The following NF2 variants were observed in gnomAD, a reference collection of about 807,000 sequenced individuals.
NF2 encodes NF2, moesin-ezrin-radixin like (MERLIN) tumor suppressor.
NF2 carries 8 observed loss-of-function variants against 83.7 expected under a neutral mutation model. The ratio of observed to expected loss-of-function variants is 0.10; its 90% CI spans 0.06 to 0.17. The LOEUF (loss-of-function observed/expected upper bound fraction) is 0.17. Ranked by LOEUF, NF2 falls within the 10% of genes least tolerant of loss-of-function variation. NF2 has a pLI of 1.00. For synonymous variants in NF2, 266 were observed against 269.6 expected, an observed-to-expected ratio of 0.99 and a Z score of 0.13; for missense variants, 533 against 744.4, an observed-to-expected ratio of 0.72 and a Z score of 3.31.
Position 29,678,220 on chromosome 22 carries a change from T to C in NF2, c.1471T>C (p.Leu491=), listed in dbSNP as rs1377424205. ...YPPMNPIPAP[L]PPDIPSFNLI... ...GCCCATGAACCCAATTCCAGCACCG[T>C]TGCCTCCTGACATACCAAGCTTCAA... is the stretch of plus-strand genomic sequence containing the variant. The change falls in exon 14 of 16, where the codon TTG becomes CTG. Residue 491 remains leucine (L), a synonymous_variant. Coordinates refer to ENST00000338641, the MANE Select transcript of NF2 (RefSeq NM_000268.4). 1.9e-6 allele frequency: 3 copies of C among 1,613,996 alleles called. No homozygotes were observed. Among genetic ancestry groups the C allele is most frequent in the East Asian group, 2.2e-5 (1 of 44,892 alleles).
intron 1 of NF2, among the ~76,000 whole-genome samples, chr22:29,617,746 A>G (rs1246187430): frequency 6.6e-6 from 1 of 152,228 alleles, no homozygotes; most frequent in Non-Finnish European, 1.5e-5. Flanking sequence ...CTGGGATGGA[A>G]GTGAGAATTT....
intron 7 of NF2, among the ~76,000 whole-genome samples, 185 bp downstream of exon 7, chr22:29,658,449 T>G (rs995286001): frequency 2.6e-5 from 4 of 152,190 alleles, no homozygotes; most frequent in African/African-American, 9.7e-5. Flanking sequence ...TTCAATTAGA[T>G]CATAGGTAAT....
At chr22:29,630,944 C>T (rs1163628568) in intron 1 of NF2, among the ~76,000 whole-genome samples, 1 of 152,090 alleles carries the variant, frequency 6.6e-6, no homozygotes, top group East Asian at 1.9e-4. Flanking sequence ...ATCAGTTATC[C>T]AAAAAGAACA....
At chr22:29,665,433 G>A (rs936254864) in intron 9 of NF2, among the ~76,000 whole-genome samples, 3 of 151,916 alleles carry the variant, frequency 2.0e-5, no homozygotes, top group African/African-American at 7.3e-5. Flanking sequence ...CAGTAGAGAC[G>A]GGGTTTCACC....
chr22:29,628,847 T>C (rs1017588260), intron 1 of NF2, among the ~76,000 whole-genome samples: 69 of 152,190 alleles, frequency 4.5e-4, no homozygotes, highest in African/African-American at 1.5e-3. Context: ...GCCAGGCTGG[T>C]CTCGAACTCC....
At chr22:29,675,260 T>G (rs530771824) in intron 13 of NF2, among the ~76,000 whole-genome samples, 1 of 152,222 alleles carries the variant, frequency 6.6e-6, no homozygotes, top group Non-Finnish European at 1.5e-5. Flanking sequence ...TGCCTCTTAA[T>G]GCTGAGCTGA....
intron 4 of NF2, among the ~76,000 whole-genome samples, chr22:29,647,233 T>C (rs747151837): frequency 6.6e-6 from 1 of 152,084 alleles, no homozygotes; most frequent in African/African-American, 2.4e-5. Flanking sequence ...AGACTCCTAG[T>C]GATCAGAAGA....
chr22:29,669,396 C>T (rs1395539476), intron 10 of NF2, among the ~76,000 whole-genome samples: 2 of 152,164 alleles, frequency 1.3e-5, no homozygotes, highest in Admixed American at 6.5e-5. Context: ...ATAACTCCAG[C>T]ACTTTGGGAG....
chr22:29,609,082 C>T, intron 1 of NF2: 2 of 742,294 alleles, frequency 2.7e-6, no homozygotes, highest in East Asian at 2.5e-5. Flanking sequence ...TAAGAGGAGC[C>T]AATCAGTACA....
chr22:29,665,536 G>C (rs1051269377), intron 9 of NF2, among the ~76,000 whole-genome samples: 2 of 152,044 alleles, frequency 1.3e-5, no homozygotes, highest in African/African-American at 4.8e-5. Context: ...GACCCACTGC[G>C]CCCAGCCGAT....
intron 1 of NF2, among the ~76,000 whole-genome samples, chr22:29,606,041 G>T (rs970275457): frequency 2.0e-5 from 3 of 151,680 alleles, no homozygotes; most frequent in Admixed American, 6.6e-5. Flanking sequence ...CGCAGCCTCT[G>T]CTTCCCGGGT....
At chr22:29,642,158 C>T in intron 3 of NF2, 44 bp from the exon 4 acceptor site, 1 of 1,501,950 alleles carries the variant, frequency 6.7e-7, no homozygotes, top group Non-Finnish European at 9.3e-7. Context: ...ACACACCTCA[C>T]TTCCACTCAC....
chr22:29,681,220 G>A (rs558765212), intron 14 of NF2, among the ~76,000 whole-genome samples: 18 of 152,068 alleles, frequency 1.2e-4, no homozygotes, highest in South Asian at 1.0e-3. Flanking sequence ...TCCTAACCAC[G>A]GCCCTGTGAT....
chr22:29,637,476 C>T (rs1316813597), intron 2 of NF2, among the ~76,000 whole-genome samples: 2 of 152,144 alleles, frequency 1.3e-5, no homozygotes, highest in Non-Finnish European at 2.9e-5. Context: ...AAGGAACTGC[C>T]CTCTGCATGG....
chr22:29,616,340 T>TA (rs990128419), intron 1 of NF2, among the ~76,000 whole-genome samples: 3 of 152,020 alleles, frequency 2.0e-5, no homozygotes, highest in Admixed American at 6.6e-5. Context: ...TCAAGATGTT[T>TA]AAAAAAAACC....
At chr22:29,682,837 T>TG (rs2067176254) in intron 15 of NF2, 1 of 696,322 alleles carries the variant, frequency 1.4e-6, no homozygotes, top group Non-Finnish European at 2.5e-6. Flanking sequence ...CAATGAGCAG[T>TG]GCCCTCAGCC....
intron 7 of NF2, among the ~76,000 whole-genome samples, chr22:29,660,635 T>C (rs1011113206): frequency 9.8e-5 from 15 of 152,336 alleles, no homozygotes; most frequent in African/African-American, 3.6e-4. Context: ...CGGGGCACCA[T>C]CTCAGCTCAC....
intron 4 of NF2, among the ~76,000 whole-genome samples, chr22:29,652,549 G>A (rs1308704558): frequency 2.0e-5 from 3 of 152,096 alleles, no homozygotes; most frequent in South Asian, 2.1e-4. Flanking sequence ...TGATCTGCCC[G>A]CCTAGGCCTC....
intron 4 of NF2, 134 bp from the exon 5 acceptor site, chr22:29,654,523 G>A (rs1204163355): frequency 1.0e-5 from 8 of 774,382 alleles, no homozygotes; most frequent in African/African-American, 1.7e-5. Flanking sequence ...AACTAGCAAG[G>A]TTGAAATCTT....
Sources: gnomAD v4.1 joint callset for allele counts (sites outside exome capture counted in the v4.1 genomes callset) on GRCh38, gnomAD v4.1.1 for gene constraint, MANE v1.5 for transcripts, NCBI Gene and HGNC (gene_info 2026-07-23, HGNC 2026-07-21) for gene names.